Variants in KCNAB1 observed in about 807,000 individuals in gnomAD.
The protein encoded by KCNAB1 is potassium voltage-gated channel subfamily A regulatory beta subunit 1, also known as voltage-gated potassium channel subunit beta-1.
Under a neutral mutation model 64.6 loss-of-function variants are expected in KCNAB1, and 35 were observed. The observed-to-expected ratio is 0.54, with a 90% confidence interval of 0.41 to 0.72. KCNAB1 has a LOEUF of 0.72. KCNAB1 is among the 30% of genes least tolerant of loss of function. The pLI is 0.00. For synonymous variants in KCNAB1, 177 were observed against 183.8 expected (o/e 0.96, Z 0.30); for missense variants, 401 against 512.9 (o/e 0.78, Z 2.11).
At chr3:156,398,177 T>G (rs933655048) in intron 1 of KCNAB1, among the ~76,000 whole-genome samples, 12 of 151,982 alleles carry the variant, frequency 7.9e-5, no homozygotes, top group Non-Finnish European at 1.8e-4. Flanking sequence ...AAGTGAGAGT[T>G]AAACAATGAG....
chr3:156,159,079 C>CT (rs34124054), intron 1 of KCNAB1, among the ~76,000 whole-genome samples: 3 of 152,010 alleles, frequency 2.0e-5, no homozygotes, highest in Non-Finnish European at 4.4e-5. Flanking sequence ...CCGCCCCCCC[C>CT]TGTAATAATT....
chr3:156,430,865 A>C (rs1179148599), intron 2 of KCNAB1, among the ~76,000 whole-genome samples: 1 of 152,114 alleles, frequency 6.6e-6, no homozygotes, highest in Non-Finnish European at 1.5e-5. Flanking sequence ...TGATGTCATG[A>C]TTAGGTTCGG....
At chr3:156,226,764 G>T (rs1225654221) in intron 1 of KCNAB1, among the ~76,000 whole-genome samples, 1 of 152,100 alleles carries the variant, frequency 6.6e-6, no homozygotes, top group Non-Finnish European at 1.5e-5. Flanking sequence ...GTTTTGGCGG[G>T]GATCCTTTTA....
Position 156,383,086 on chromosome 3 carries a change from G to T in KCNAB1, c.276-38530G>T, listed in dbSNP as rs192088805. 2.0e-4 allele frequency among the ~76,000 whole-genome samples: 31 copies of T among 152,324 alleles called. No homozygotes were observed. In the East Asian group the frequency reaches 5.2e-3, roughly 26 times the overall value. ...GTAAGATGCTTACTGGCCATCCGAT[G>T]GGAAAAGCCCTTGTCAGGTCTTTCT... On this transcript the variant is annotated intron_variant, in intron 1 of 13. Transcript: ENST00000490337.
chr3:156,440,360 A>G (rs1716905868), intron 2 of KCNAB1, among the ~76,000 whole-genome samples: 1 of 152,208 alleles, frequency 6.6e-6, no homozygotes, highest in East Asian at 1.9e-4. Context: ...TAACATCATC[A>G]CCTCTATGCC....
chr3:156,333,981 A>C (rs1723516026), intron 1 of KCNAB1, among the ~76,000 whole-genome samples: 1 of 152,192 alleles, frequency 6.6e-6, no homozygotes, highest in African/African-American at 2.4e-5. Flanking sequence ...ATCAGGCAGA[A>C]AACAAATGAT....
At chr3:156,436,236 A>G (rs1364605833) in intron 2 of KCNAB1, among the ~76,000 whole-genome samples, 4 of 152,188 alleles carry the variant, frequency 2.6e-5, no homozygotes, top group African/African-American at 9.7e-5. Context: ...ATGCACCAGC[A>G]AAGGACATCT....
chr3:156,350,661 T>C (rs995543886), intron 1 of KCNAB1, among the ~76,000 whole-genome samples: 2 of 152,214 alleles, frequency 1.3e-5, no homozygotes, highest in African/African-American at 4.8e-5. Flanking sequence ...AATTGCTTCA[T>C]AACCTTTGCC....
chr3:156,243,978 C>T (rs1434804978), intron 1 of KCNAB1, among the ~76,000 whole-genome samples: 1 of 152,204 alleles, frequency 6.6e-6, no homozygotes, highest in African/African-American at 2.4e-5. Context: ...CCTGCCATAA[C>T]CTCCTCACCC....
intron 1 of KCNAB1, among the ~76,000 whole-genome samples, chr3:156,147,959 A>G (rs4990251): frequency 3.0e-5 from 3 of 101,218 alleles, no homozygotes; most frequent in African/African-American, 1.0e-4. Context: ...ACACACACAC[A>G]CGCACGCACA....
chr3:156,460,972 T>C (rs1327109888), intron 5 of KCNAB1, among the ~76,000 whole-genome samples: 1 of 152,210 alleles, frequency 6.6e-6, no homozygotes, highest in African/African-American at 2.4e-5. Flanking sequence ...AAATAAACTT[T>C]GATGACCTAC....
chr3:156,393,426 G>A (rs1333010626), intron 1 of KCNAB1, among the ~76,000 whole-genome samples: 2 of 152,096 alleles, frequency 1.3e-5, no homozygotes, highest in Non-Finnish European at 2.9e-5. Flanking sequence ...CTGCTGAAAT[G>A]CCACCTGACT....
rs1576920324 is a variant in KCNAB1 at position 156,479,835 on chromosome 3, G to A, written c.658+5015G>A. On this transcript the variant is annotated intron_variant, in intron 8 of 13. Transcript: ENST00000490337. ...GCCCAGATGTCTCAATTTCAAATAA[G>A]AGAAGCAAGACCAAAGTTAGCTTCA... 2.6e-5 allele frequency among the ~76,000 whole-genome samples: 4 copies of A among 152,016 alleles called. No individual in the cohort carries two copies. In the South Asian group the frequency reaches 8.3e-4, roughly 31 times the overall value.
chr3:156,237,787 T>C (rs1434429653), intron 1 of KCNAB1, among the ~76,000 whole-genome samples: 1 of 152,068 alleles, frequency 6.6e-6, no homozygotes, highest in African/African-American at 2.4e-5. Context: ...TTTCAAATCA[T>C]TCCTGATCTT....
intron 8 of KCNAB1, among the ~76,000 whole-genome samples, chr3:156,477,242 GC>G (rs1156607383): frequency 1.3e-5 from 2 of 152,110 alleles, no homozygotes; most frequent in Non-Finnish European, 2.9e-5. Flanking sequence ...GCATTATTTA[GC>G]CTTTATGGGA....
intron 2 of KCNAB1, among the ~76,000 whole-genome samples, chr3:156,435,271 A>G (rs78983102): frequency 0.036 from 5,449 of 152,314 alleles, 330 homozygotes; most frequent in African/African-American, 0.13. Context: ...AGGAGGCACT[A>G]TTACCTGCTG....
At chr3:156,428,599 T>C (rs1715998717) in intron 2 of KCNAB1, among the ~76,000 whole-genome samples, 1 of 151,224 alleles carries the variant, frequency 6.6e-6, no homozygotes, top group African/African-American at 2.4e-5. Flanking sequence ...TTTCAAAACA[T>C]CATGCAAGTG....
chr3:156,365,110 T>A (rs1289915157), intron 1 of KCNAB1, among the ~76,000 whole-genome samples: 1 of 152,220 alleles, frequency 6.6e-6, no homozygotes, highest in Non-Finnish European at 1.5e-5. Context: ...GTGTTTTTTG[T>A]GCCAGAGACA....
intron 1 of KCNAB1, among the ~76,000 whole-genome samples, chr3:156,186,426 G>A (rs754912333): frequency 6.6e-6 from 1 of 152,038 alleles, no homozygotes; most frequent in Non-Finnish European, 1.5e-5. Flanking sequence ...TCCCTCCTAG[G>A]CTGTGCTGTG....
Sources: gnomAD v4.1 joint callset for allele counts (sites outside exome capture counted in the v4.1 genomes callset) on GRCh38, gnomAD v4.1.1 for gene constraint, MANE v1.5 for transcripts, NCBI Gene and HGNC (gene_info 2026-07-23, HGNC 2026-07-21) for gene names.